POU6F2: variants seen among roughly 807,000 people sequenced by gnomAD.
POU6F2 encodes the protein POU class 6 homeobox 2, also known as POU domain, class 6, transcription factor 2.
POU6F2 carries 31 observed loss-of-function variants against 71.3 expected under a neutral mutation model. The ratio of observed to expected loss-of-function variants is 0.43; its 90% confidence interval spans 0.33 to 0.59. The LOEUF (loss-of-function observed/expected upper bound fraction) is 0.59, where lower values mean the gene tolerates loss of function less well. POU6F2 is among the 20% of genes least tolerant of loss of function. The pLI is 0.04. For missense variants in POU6F2, 783 were observed against 856.8 expected (o/e 0.91, Z 1.07); for synonymous variants, 347 against 355.7 (o/e 0.98, Z 0.27).
intron 5 of POU6F2, among the ~76,000 whole-genome samples, chr7:39,369,294 C>G (rs1312982556): frequency 6.6e-6 from 1 of 152,160 alleles, no homozygotes; most frequent in Admixed American, 6.5e-5. Flanking sequence ...AACATCGAGG[C>G]AAGACCCTCC....
intron 2 of POU6F2, among the ~76,000 whole-genome samples, chr7:39,195,653 G>C (rs930458997): frequency 1.3e-5 from 2 of 151,972 alleles, no homozygotes; most frequent in Admixed American, 6.6e-5. Context: ...TAACAGTCTC[G>C]GTGAGTAAAA....
chr7:39,228,545 G>T (rs78055465), intron 4 of POU6F2, among the ~76,000 whole-genome samples: 5 of 152,156 alleles, frequency 3.3e-5, no homozygotes, highest in African/African-American at 1.2e-4. Context: ...AAAAGGTCAC[G>T]GATCTGTCAC....
rs1165597494 is a variant in POU6F2 at position 39,101,431 on chromosome 7, C to CT, written c.277+15405dup. The stretch of plus-strand genomic sequence containing the variant: ...AAGTCAGCACTTAAGAGAAGAATTG[C>CT]TTTTTCTAGGCAAGATTTTTTTTTT... On this transcript the variant is annotated intron_variant, in intron 2 of 9. Coordinates refer to ENST00000518318, the MANE Select transcript of POU6F2 (RefSeq NM_001370959.1). Among the ~76,000 whole-genome samples, 5 of 148,938 alleles carry CT rather than the reference C, an allele frequency of 3.4e-5. No homozygotes were observed. In the East Asian group the frequency reaches 1.0e-3, roughly 31 times the overall value.
chr7:39,340,153 G>C, intron 5 of POU6F2, 138 bp downstream of exon 5: 1 of 1,245,554 alleles, frequency 8.0e-7, no homozygotes, highest in African/African-American at 1.5e-5. Context: ...TGATCTCTTA[G>C]ACATAGGGAA....
At chr7:39,076,510 T>C (rs1193696847) in intron 1 of POU6F2, among the ~76,000 whole-genome samples, 1 of 151,876 alleles carries the variant, frequency 6.6e-6, no homozygotes, top group Admixed American at 6.6e-5. Context: ...GAACTTAAAC[T>C]AAAAATAAAT....
intron 4 of POU6F2, among the ~76,000 whole-genome samples, chr7:39,305,443 G>C (rs547313357): frequency 6.6e-6 from 1 of 152,292 alleles, no homozygotes; most frequent in South Asian, 2.1e-4. Context: ...TAAAAAGTCA[G>C]AATGGCCCTC....
chr7:39,085,998 A>G lies in POU6F2; in HGVS notation c.244A>G (p.Asn82Asp). Residue 82 changes from asparagine to aspartate, a missense_variant, in exon 2 of 10, where the codon AAT becomes GAT. Asn to Asp is a conservative substitution (Grantham distance 23). Coordinates refer to ENST00000518318, the MANE Select transcript of POU6F2 (RefSeq NM_001370959.1). ...GCCCCTGCTTGCGCCTGTGGAATCA[A>G]ATGACAGCGAGGACACTCCCAGCAA... ...NEPLLAPVES[N>D]DSEDTPSKLF... The G allele has an allele frequency of 6.2e-7, 1 of 1,613,738 alleles. No homozygotes were observed. The highest frequency in any genetic ancestry group is 8.5e-7 in the Non-Finnish European group (1 of 1,179,782).
intron 6 of POU6F2, among the ~76,000 whole-genome samples, chr7:39,427,729 G>A (rs557921834): frequency 2.0e-5 from 3 of 152,326 alleles, no homozygotes; most frequent in East Asian, 1.9e-4. Context: ...CCGATTTACA[G>A]CATTGATAGG....
At chr7:39,174,358 C>T (rs1793286301) in intron 2 of POU6F2, among the ~76,000 whole-genome samples, 1 of 152,140 alleles carries the variant, frequency 6.6e-6, no homozygotes, top group South Asian at 2.1e-4. Flanking sequence ...CTTTTGTGTC[C>T]TGATCATTGA....
At chr7:39,044,992 G>C (rs1375735021) in intron 1 of POU6F2, among the ~76,000 whole-genome samples, 4 of 151,874 alleles carry the variant, frequency 2.6e-5, no homozygotes, top group Non-Finnish European at 4.4e-5. Flanking sequence ...AATCTTATTT[G>C]ATCAATTTTG....
At chr7:38,996,057 T>TTTTTTTTTTC (rs1788728464) in intron 1 of POU6F2, among the ~76,000 whole-genome samples, 1 of 88,878 alleles carries the variant, frequency 1.1e-5, no homozygotes, top group Non-Finnish European at 2.3e-5. Context: ...TTTTTTTTTT[T>TTTTTTTTTTC]AGACAGAATT....
chr7:39,020,465 ATG>A (rs1277845561), intron 1 of POU6F2, among the ~76,000 whole-genome samples: 1 of 152,136 alleles, frequency 6.6e-6, no homozygotes, highest in Admixed American at 6.6e-5. Flanking sequence ...TATGGGCTAA[ATG>A]GTATTTCTTC....
intron 2 of POU6F2, among the ~76,000 whole-genome samples, chr7:39,140,940 G>A (rs1376994911): frequency 6.6e-6 from 1 of 152,160 alleles, no homozygotes; most frequent in African/African-American, 2.4e-5. Flanking sequence ...GGACACCACT[G>A]CAACACAGGG....
chr7:39,306,757 T>A (rs1785056250), intron 4 of POU6F2, among the ~76,000 whole-genome samples: 1 of 152,242 alleles, frequency 6.6e-6, no homozygotes, highest in African/African-American at 2.4e-5. Context: ...AAAGATATGC[T>A]ATTTGCATAC....
At chr7:39,277,886 C>T (rs1188116273) in intron 4 of POU6F2, among the ~76,000 whole-genome samples, 8 of 151,944 alleles carry the variant, frequency 5.3e-5, no homozygotes, top group Admixed American at 2.0e-4. Context: ...GTGAAACCCC[C>T]TCTCTACTAA....
chr7:39,152,886 C>T (rs2128734735), intron 2 of POU6F2, among the ~76,000 whole-genome samples: 1 of 152,324 alleles, frequency 6.6e-6, no homozygotes, highest in Non-Finnish European at 1.5e-5. Flanking sequence ...TCTTTCAAAT[C>T]AACCTAGTGC....
chr7:39,295,621 A>G (rs908075609), intron 4 of POU6F2, among the ~76,000 whole-genome samples: 2 of 152,244 alleles, frequency 1.3e-5, no homozygotes, highest in Non-Finnish European at 1.5e-5. Flanking sequence ...GTCTCCAAAA[A>G]AGAAGTTGGA....
At chr7:38,990,681 G>A (rs1314222530) in intron 1 of POU6F2, among the ~76,000 whole-genome samples, 3 of 152,054 alleles carry the variant, frequency 2.0e-5, no homozygotes, top group Non-Finnish European at 4.4e-5. Flanking sequence ...TCTGGAGCCT[G>A]TAATATAATA....
chr7:39,213,226 T>A (rs1339960928), intron 4 of POU6F2, among the ~76,000 whole-genome samples: 1 of 152,242 alleles, frequency 6.6e-6, no homozygotes, highest in East Asian at 1.9e-4. Context: ...CAAGGCCAGT[T>A]GAAAAATCAA....
Sources: gnomAD v4.1 joint callset for allele counts (sites outside exome capture counted in the v4.1 genomes callset) on GRCh38, gnomAD v4.1.1 for gene constraint, MANE v1.5 for transcripts, NCBI Gene and HGNC (gene_info 2026-07-23, HGNC 2026-07-21) for gene names.